GRM7: variants seen among roughly 807,000 people sequenced by gnomAD.
GRM7 encodes the protein metabotropic glutamate receptor 7.
GRM7 carries 35 observed loss-of-function variants against 84.5 expected under a neutral mutation model. The ratio of observed to expected loss-of-function variants is 0.41; its 90% CI spans 0.32 to 0.55. GRM7 has a LOEUF of 0.55. GRM7 is among the 20% of genes least tolerant of loss of function. GRM7 has a pLI of 0.19. For missense variants in GRM7, 1,003 were observed against 1,194.6 expected (o/e 0.84, Z 2.36); for synonymous variants, 487 against 455.1 (o/e 1.07, Z -0.89).
At chr3:7,268,276 A>C (rs947709865) in intron 2 of GRM7, among the ~76,000 whole-genome samples, 3 of 146,630 alleles carry the variant, frequency 2.0e-5, no homozygotes, top group African/African-American at 5.2e-5. Flanking sequence ...CCAAGGAGAG[A>C]GGATCTCTAC....
intron 7 of GRM7, among the ~76,000 whole-genome samples, chr3:7,470,039 A>G: frequency 6.6e-6 from 1 of 152,190 alleles, no homozygotes; most frequent in East Asian, 1.9e-4. Flanking sequence ...AAAGCTGGCT[A>G]AATCAAAGGA....
intron 9 of GRM7, among the ~76,000 whole-genome samples, chr3:7,688,563 G>A (rs1031344136): frequency 3.9e-5 from 6 of 152,140 alleles, no homozygotes; most frequent in African/African-American, 1.4e-4. Context: ...GTTGGTTTAA[G>A]TTACATTAAC....
At chr3:7,279,354 A>G (rs940911056) in intron 2 of GRM7, among the ~76,000 whole-genome samples, 6 of 152,230 alleles carry the variant, frequency 3.9e-5, no homozygotes, top group Non-Finnish European at 8.8e-5. Flanking sequence ...AAATATAGAA[A>G]GTCCAGATAC....
intron 2 of GRM7, among the ~76,000 whole-genome samples, chr3:7,208,568 G>T (rs867931370): frequency 2.0e-5 from 3 of 152,256 alleles, no homozygotes; most frequent in Non-Finnish European, 4.4e-5. Flanking sequence ...TGGAAGGGAG[G>T]TTTGCTCAGA....
chr3:7,378,245 G>C (rs1694441124), intron 4 of GRM7, among the ~76,000 whole-genome samples: 1 of 152,104 alleles, frequency 6.6e-6, no homozygotes, highest in African/African-American at 2.4e-5. Flanking sequence ...GGGCTGGAAT[G>C]GCTACCTTGA....
chr3:7,269,514 C>T (rs2124974746), intron 2 of GRM7, among the ~76,000 whole-genome samples: 1 of 152,262 alleles, frequency 6.6e-6, no homozygotes, highest in Non-Finnish European at 1.5e-5. Flanking sequence ...CAGAGCTCCC[C>T]TGGTGATTCT....
Position 6,863,171 on chromosome 3 carries a change from C to T in GRM7, c.519+1264C>T, listed in dbSNP as rs145678666. 1.2e-3 allele frequency among the ~76,000 whole-genome samples: 175 copies of T among 151,914 alleles called. 1 individual carries two copies. The highest frequency in any genetic ancestry group is 4.1e-3 in the African/African-American group (170 of 41,456). Reference sequence around the variant, plus strand: ...TTTCTCTCCTTTTCAATCTCTCCCTCCTTTCCTCCTCTGTCTTCACTCCCA... The same window carrying T: ...TTTCTCTCCTTTTCAATCTCTCCCTTCTTTCCTCCTCTGTCTTCACTCCCA... On this transcript the variant is annotated intron_variant, in intron 1 of 9. Transcript: ENST00000357716. This position sits in a 1 kb window ranked among gnomAD's most constrained non-coding sequence, Gnocchi z 4.8.
intron 7 of GRM7, among the ~76,000 whole-genome samples, chr3:7,546,014 G>T (rs1693127961): frequency 6.6e-6 from 1 of 152,104 alleles, no homozygotes; most frequent in African/African-American, 2.4e-5. Context: ...TTAGTGTAGT[G>T]CCTGGTTCAT....
At chr3:7,385,603 CTA>C (rs1253783526) in intron 4 of GRM7, among the ~76,000 whole-genome samples, 3 of 151,976 alleles carry the variant, frequency 2.0e-5, no homozygotes, top group Non-Finnish European at 4.4e-5. Flanking sequence ...CCCGGCCCCT[CTA>C]TGTGGATTTT....
At chr3:7,134,002 A>G (rs1693689040) in intron 1 of GRM7, among the ~76,000 whole-genome samples, 1 of 152,158 alleles carries the variant, frequency 6.6e-6, no homozygotes, top group African/African-American at 2.4e-5. Context: ...CTCGTTACAT[A>G]CTACACACAC....
rs566786261 is a variant in GRM7, at chr3:7,446,723, G to T, written c.1175-5884G>T. ...GATCTGCCCACTTCGGCCTCCCAAA[G>T]TGCTGGGATTACTGGCGTGAGCTAC... On this transcript the variant is annotated intron_variant, in intron 5 of 9. Coordinates refer to ENST00000357716, the MANE Select transcript of GRM7 (RefSeq NM_000844.4). Among the ~76,000 whole-genome samples the T allele has an allele frequency of 6.6e-5, 10 of 152,190 alleles. No homozygotes were observed. The South Asian group carries it at 1.0e-3, about 16-fold the overall frequency.
intron 1 of GRM7, among the ~76,000 whole-genome samples, chr3:6,962,955 G>T (rs1693358489): frequency 6.6e-6 from 1 of 152,230 alleles, no homozygotes; most frequent in Non-Finnish European, 1.5e-5. Context: ...TGATTGTGAG[G>T]AAGTATACTT....
At chr3:7,158,535 C>G (rs893319685) in intron 2 of GRM7, among the ~76,000 whole-genome samples, 1 of 152,090 alleles carries the variant, frequency 6.6e-6, no homozygotes, top group Non-Finnish European at 1.5e-5. Flanking sequence ...TACATATATC[C>G]ATGGCCACAC....
At chr3:7,495,605 G>T (rs971117539) in intron 7 of GRM7, among the ~76,000 whole-genome samples, 1 of 152,060 alleles carries the variant, frequency 6.6e-6, no homozygotes, top group African/African-American at 2.4e-5. Context: ...GAATCTCAGG[G>T]CCAGCAAGGA....
intron 1 of GRM7, among the ~76,000 whole-genome samples, chr3:7,072,340 A>G (rs1697914986): frequency 6.6e-6 from 1 of 152,132 alleles, no homozygotes; most frequent in Admixed American, 6.6e-5. Context: ...ATAGTTTAGT[A>G]AGTTATTGTC....
At chr3:7,352,189 A>G (rs1307427640) in intron 4 of GRM7, among the ~76,000 whole-genome samples, 2 of 152,012 alleles carry the variant, frequency 1.3e-5, no homozygotes, top group African/African-American at 4.8e-5. Flanking sequence ...CCTAACATAT[A>G]AAAGGTTCTA....
intron 8 of GRM7, among the ~76,000 whole-genome samples, chr3:7,652,212 A>G (rs1575595685): frequency 6.6e-6 from 1 of 152,160 alleles, no homozygotes; most frequent in Non-Finnish European, 1.5e-5. Context: ...TGAAGGGGGA[A>G]ACCAGTAATA....
intron 8 of GRM7, among the ~76,000 whole-genome samples, chr3:7,649,017 A>G (rs1057478321): frequency 6.6e-6 from 1 of 151,988 alleles, no homozygotes; most frequent in Non-Finnish European, 1.5e-5. Flanking sequence ...TGTCTGCCAG[A>G]TAGTACCAAG....
intron 1 of GRM7, among the ~76,000 whole-genome samples, chr3:6,951,994 A>G (rs1347809242): frequency 6.6e-6 from 1 of 152,020 alleles, no homozygotes; most frequent in Non-Finnish European, 1.5e-5. Flanking sequence ...ACTTTGCCTG[A>G]TTTAATGTAA....
Sources: allele counts gnomAD v4.1 joint callset (sites outside exome capture counted in the v4.1 genomes callset), GRCh38; gene constraint gnomAD v4.1.1; non-coding constraint Gnocchi (gnomAD v3.1); transcripts MANE v1.5; gene names NCBI Gene and HGNC (gene_info 2026-07-23, HGNC 2026-07-21).